The following CYP26B1 variants were observed in gnomAD, a reference collection of about 807,000 sequenced individuals.
CYP26B1 encodes cytochrome P450 26B1.
Under a neutral mutation model 39.1 loss-of-function variants are expected in CYP26B1, and 8 were observed. The observed-to-expected ratio is 0.20, with a 90% CI of 0.12 to 0.37. CYP26B1 has a LOEUF of 0.37. Among genes scored for constraint, CYP26B1 ranks in the 10% least tolerant of loss-of-function variants. CYP26B1 has a pLI of 1.00. For missense variants in CYP26B1, 615 were observed against 707.0 expected (o/e 0.87, Z 1.48); for synonymous variants, 321 against 314.3 (o/e 1.02, Z -0.23).
chr2:72,132,728 T>G, intron 5 of CYP26B1, 109 bp from the exon 6 acceptor site: 1 of 1,495,384 alleles, frequency 6.7e-7, no homozygotes, highest in South Asian at 1.3e-5. Flanking sequence ...GACCTGCCTT[T>G]TCTTAGAGAC....
rs1299604089 is a variant in CYP26B1, at chr2:72,147,601, C to A, written c.204+30G>T. ...CCCCGCGCTCGCAGCTAGCGGACCC[C>A]GGAGTGCAGCGGAGCGAGCGCGCCC... On this transcript the variant is annotated intron_variant, in intron 1 of 5. Coordinates refer to ENST00000001146, the MANE Select transcript of CYP26B1 (RefSeq NM_019885.4). This position sits in a 1 kb window ranked among gnomAD's most constrained non-coding sequence, Gnocchi z 6.1. 6.3e-7 allele frequency: 1 copy of A among 1,589,932 alleles called. No homozygotes were observed. Among genetic ancestry groups the A allele is most frequent in the Non-Finnish European group, 8.5e-7 (1 of 1,170,726 alleles).
intron 2 of CYP26B1, among the ~76,000 whole-genome samples, chr2:72,141,363 C>A (rs1558970741): frequency 1.3e-5 from 2 of 152,202 alleles, no homozygotes. Flanking sequence ...TGGCCCAGGA[C>A]CACCAGGGCA....
rs1007094052 is a variant in CYP26B1 at position 72,130,739 on chromosome 2, C to T, written c.*1488G>A. 6.6e-6 allele frequency: 1 copy of T among 152,178 alleles called. No individual in the cohort carries two copies. The highest frequency in any genetic ancestry group is 2.4e-5 in the African/African-American group (1 of 41,418). 9.4% of individuals were successfully genotyped at this position (152,178 alleles called of 1,614,324 possible). On this transcript the variant is annotated 3_prime_UTR_variant, in exon 6 of 6. Coordinates refer to ENST00000001146, the MANE Select transcript of CYP26B1 (RefSeq NM_019885.4). ...CTCAAAACGCCAGTGGCAGGAGCTACTCCTCTTTCACCCAGTCATCCCGAC... is the reference window on the plus strand; with the variant it reads ...CTCAAAACGCCAGTGGCAGGAGCTATTCCTCTTTCACCCAGTCATCCCGAC...
intron 1 of CYP26B1, chr2:72,144,440 C>T: frequency 7.5e-7 from 1 of 1,332,486 alleles, no homozygotes; most frequent in Middle Eastern, 2.1e-4. Context: ...CCAGGGGCAC[C>T]CCCAGGAGGC....
intron 2 of CYP26B1, 143 bp downstream of exon 2, chr2:72,143,846 T>A: frequency 9.6e-7 from 1 of 1,044,762 alleles, no homozygotes; most frequent in Non-Finnish European, 1.4e-6. Flanking sequence ...CTCGAGGCCT[T>A]GTCGGCGGGG....
chr2:72,132,979 C>A (rs758053095), intron 5 of CYP26B1, 44 bp downstream of exon 5: 2 of 1,612,354 alleles, frequency 1.2e-6, no homozygotes, highest in Non-Finnish European at 1.7e-6. Context: ...TATCCCGGTG[C>A]CCCTGCTCCC....
rs983954257 is a variant in CYP26B1, at chr2:72,147,352, G to C, written c.204+279C>G. ...CGGGGCGCTCCACGCCCCCTGCCAG[G>C]CCAGCCGCGACCCAGGCAAGTCCAT... On this transcript the variant is annotated intron_variant, in intron 1 of 5. Coordinates refer to ENST00000001146, the MANE Select transcript of CYP26B1 (RefSeq NM_019885.4). The surrounding 1 kb of genome is among the most constrained non-coding windows in gnomAD (Gnocchi z 6.1). 1.3e-5 allele frequency among the ~76,000 whole-genome samples: 2 copies of C among 152,148 alleles called. No individual in the cohort carries two copies. Among genetic ancestry groups the C allele is most frequent in the Non-Finnish European group, 2.9e-5 (2 of 68,000 alleles).
At chr2:72,143,203 C>G (rs1454023597) in intron 2 of CYP26B1, 2 of 153,808 alleles carry the variant, frequency 1.3e-5, no homozygotes. Flanking sequence ...AGGGCCCGCC[C>G]GCTGGCTCCG....
chr2:72,132,201 C>A lies in CYP26B1; in HGVS notation c.*26G>T. ...CACAACCACCACCCCGCTGCCTGGGCTGGGCTGAGGCGGGTGGGTCTTGGG... is the reference window on the plus strand; with the variant it reads ...CACAACCACCACCCCGCTGCCTGGGATGGGCTGAGGCGGGTGGGTCTTGGG... On this transcript the variant is annotated 3_prime_UTR_variant, in exon 6 of 6. Coordinates refer to ENST00000001146, the MANE Select transcript of CYP26B1 (RefSeq NM_019885.4). The A allele has an allele frequency of 6.3e-7, 1 of 1,591,358 alleles. No individual in the cohort carries two copies. The highest frequency in any genetic ancestry group is 8.5e-7 in the Non-Finnish European group (1 of 1,170,036).
Position 72,144,046 on chromosome 2 carries a change from C to T in CYP26B1, c.372G>A (p.Leu124=). Residue 124 remains leucine (L), a synonymous_variant, in exon 2 of 6, where the codon TTG becomes TTA. Coordinates refer to ENST00000001146, the MANE Select transcript of CYP26B1 (RefSeq NM_019885.4). ...AATTGGACACCGTGTTGGGGCCCAG[C>T]AACATGCGGGTGCTGCGAGGCCACT... ...STEWPRSTRM[L]LGPNTVSNSI... 6.2e-7 allele frequency: 1 copy of T among 1,613,836 alleles called. No homozygotes were observed. Among genetic ancestry groups the T allele is most frequent in the Non-Finnish European group, 8.5e-7 (1 of 1,180,000 alleles).
intron 2 of CYP26B1, among the ~76,000 whole-genome samples, chr2:72,141,505 AG>A (rs1676941015): frequency 1.3e-5 from 2 of 152,278 alleles, no homozygotes; most frequent in African/African-American, 4.8e-5. Context: ...CCCACCAGCC[AG>A]GCCCCAGCAC....
chr2:72,145,896 C>T (rs1558973083), intron 1 of CYP26B1, among the ~76,000 whole-genome samples: 1 of 152,246 alleles, frequency 6.6e-6, no homozygotes, highest in Non-Finnish European at 1.5e-5. Context: ...AGATGGCGCT[C>T]GGTGGAAACG....
Position 72,133,083 on chromosome 2 carries a change from C to A in CYP26B1, c.1086G>T (p.Met362Ile), listed in dbSNP as rs368295866. ...RYLDCVIKEV[M>I]RLFTPISGGY... ...CGCCGGAAATGGGCGTGAACAGGCGCATGACCTCCTTGATGACGCAGTCCA... is the reference window on the plus strand; with the variant it reads ...CGCCGGAAATGGGCGTGAACAGGCGAATGACCTCCTTGATGACGCAGTCCA... Residue 362 changes from methionine (M) to isoleucine (I), a missense_variant, in exon 5 of 6, where the codon ATG (methionine) becomes ATT (isoleucine). Transcript: ENST00000001146. 6.2e-7 allele frequency: 1 copy of A among 1,613,258 alleles called. No homozygotes were observed.
chr2:72,146,928 C>T (rs368082777), intron 1 of CYP26B1, among the ~76,000 whole-genome samples: 11 of 152,140 alleles, frequency 7.2e-5, no homozygotes, highest in African/African-American at 2.7e-4. Context: ...CACTCTCTCT[C>T]TATGGATCCC....
Position 72,133,682 on chromosome 2 carries a change from C to G in CYP26B1, c.862-375G>C, listed in dbSNP as rs368040091. Among the ~76,000 whole-genome samples the G allele has an allele frequency of 2.6e-5, 4 of 152,360 alleles. No homozygotes were observed. In the East Asian group the frequency reaches 7.7e-4, roughly 29 times the overall value. On this transcript the variant is annotated intron_variant, in intron 4 of 5. Coordinates refer to ENST00000001146, the MANE Select transcript of CYP26B1 (RefSeq NM_019885.4). ...TCCCAAGGAGCCAGGCCCTGCGCAG[C>G]AGGTGTGCGTGTGTATGTGTGGGGG...
chr2:72,135,321 G>C lies in CYP26B1; in HGVS notation c.528C>G (p.Pro176=). The C allele has an allele frequency of 1.2e-6, 2 of 1,614,024 alleles. No homozygotes were observed. Among genetic ancestry groups the C allele is most frequent in the Non-Finnish European group, 1.7e-6 (2 of 1,180,034 alleles). ...QDTLRAWSSH[P]EAINVYQEAQ... Reference sequence around the variant, plus strand: ...CCTCCTGGTACACGTTGATGGCCTCGGGGTGGCTGCTCCAGGCGCGCAGTG... The same window carrying C: ...CCTCCTGGTACACGTTGATGGCCTCCGGGTGGCTGCTCCAGGCGCGCAGTG... Residue 176 remains proline (P), a synonymous_variant, in exon 3 of 6, where the codon CCC becomes CCG. Transcript: ENST00000001146.
At chr2:72,139,011 T>C (rs1010590536) in intron 2 of CYP26B1, among the ~76,000 whole-genome samples, 5 of 152,196 alleles carry the variant, frequency 3.3e-5, no homozygotes, top group African/African-American at 1.2e-4. Context: ...GGAGTTGCTC[T>C]GTGAACCCCA....
At position 72,131,841 on chromosome 2, in the gene CYP26B1, G is replaced by A. The variant is rs746817061; in HGVS notation, c.*386C>T. ...CTGAAGAGTGCGCCCAAGGGGGCAC[G>A]GCTCTTCCCGTCCCCCAACCCCAGC... On this transcript the variant is annotated 3_prime_UTR_variant, in exon 6 of 6. Coordinates refer to ENST00000001146, the MANE Select transcript of CYP26B1 (RefSeq NM_019885.4). 6.0e-5 allele frequency: 13 copies of A among 218,292 alleles called. No individual in the cohort carries two copies. The highest frequency in any genetic ancestry group is 7.3e-5 in the Non-Finnish European group (8 of 108,926). The allele number at this position is 218,292 out of a possible 1,614,324, so 13.5% of individuals were successfully genotyped here. A position where few individuals can be genotyped will look rare whatever the true frequency, so the allele number is the denominator to read the frequency against.
intron 2 of CYP26B1, chr2:72,143,031 C>T (rs1380567287): frequency 6.0e-6 from 1 of 167,166 alleles, no homozygotes; most frequent in South Asian, 2.1e-4. Flanking sequence ...CACATGCGGC[C>T]CCTGACGGAG....
Sources: gnomAD v4.1 joint callset for allele counts (sites outside exome capture counted in the v4.1 genomes callset) on GRCh38, gnomAD v4.1.1 for gene constraint, Gnocchi (gnomAD v3.1) non-coding constraint, MANE v1.5 for transcripts, NCBI Gene and HGNC (gene_info 2026-07-23, HGNC 2026-07-21) for gene names.